INSYN2B: variants seen among roughly 807,000 people sequenced by gnomAD.
INSYN2B encodes the protein inhibitory synaptic factor family member 2B, also known as protein INSYN2B.
Under a neutral mutation model 41.2 loss-of-function variants are expected in INSYN2B, and 16 were observed. That is an observed-to-expected ratio of 0.39 (90% CI 0.26 to 0.59). The LOEUF is 0.59. Ranked by LOEUF, INSYN2B falls within the 20% of genes least tolerant of loss-of-function variation. The pLI is 0.57. For synonymous variants in INSYN2B, 245 were observed against 244.4 expected (o/e 1.00, Z -0.02); for missense variants, 608 against 646.4 (o/e 0.94, Z 0.64).
chr5:169,914,726 C>T (rs564378596), intron 1 of INSYN2B, among the ~76,000 whole-genome samples: 2 of 152,292 alleles, frequency 1.3e-5, no homozygotes, highest in Admixed American at 6.5e-5. Context: ...AGGAGCAGTT[C>T]TGTAGCCTTC....
At chr5:169,889,408 G>A (rs943670324) in intron 1 of INSYN2B, among the ~76,000 whole-genome samples, 7 of 152,306 alleles carry the variant, frequency 4.6e-5, no homozygotes, top group Non-Finnish European at 8.8e-5. Flanking sequence ...TTCCAAGGAG[G>A]AAAAAGACCT....
intron 1 of INSYN2B, among the ~76,000 whole-genome samples, chr5:169,912,577 T>C (rs1414072908): frequency 6.6e-6 from 1 of 152,058 alleles, no homozygotes; most frequent in Non-Finnish European, 1.5e-5. Flanking sequence ...AACCATTACG[T>C]TGTAAACAGA....
chr5:169,960,096 A>T (rs1561851737), intron 1 of INSYN2B, among the ~76,000 whole-genome samples: 1 of 152,206 alleles, frequency 6.6e-6, no homozygotes, highest in Non-Finnish European at 1.5e-5. Context: ...CAGGTTGAGG[A>T]GCATTTTATG....
At chr5:169,881,977 G>C (rs773000973) in intron 2 of INSYN2B, among the ~76,000 whole-genome samples, 1 of 152,176 alleles carries the variant, frequency 6.6e-6, no homozygotes, top group South Asian at 2.1e-4. Context: ...ACCCAGGAAA[G>C]CATTTTGTGA....
chr5:169,944,592 A>T (rs1561842563), intron 1 of INSYN2B, among the ~76,000 whole-genome samples: 1 of 152,198 alleles, frequency 6.6e-6, no homozygotes, highest in Non-Finnish European at 1.5e-5. Flanking sequence ...TTGGGAGAGC[A>T]TTTTAATACC....
chr5:169,978,386 T>TGGGGGG (rs1561863630), intron 1 of INSYN2B, among the ~76,000 whole-genome samples: 1 of 16,714 alleles, frequency 6.0e-5, no homozygotes, highest in Non-Finnish European at 1.1e-4. Context: ...TGTGTGTGTG[T>TGGGGGG]GTGTGTGGGG....
At chr5:169,947,180 C>T (rs1224138916) in intron 1 of INSYN2B, among the ~76,000 whole-genome samples, 1 of 152,196 alleles carries the variant, frequency 6.6e-6, no homozygotes, top group South Asian at 2.1e-4. Context: ...AGTGATAGAG[C>T]TGTGATATGA....
At chr5:169,972,155 A>G (rs138697227) in intron 1 of INSYN2B, among the ~76,000 whole-genome samples, 96 of 152,260 alleles carry the variant, frequency 6.3e-4, no homozygotes, top group African/African-American at 2.1e-3. Flanking sequence ...TCTTAGCTCA[A>G]TCTCTATCAA....
intron 1 of INSYN2B, among the ~76,000 whole-genome samples, chr5:169,909,889 AC>A (rs1244308715): frequency 1.3e-5 from 2 of 152,334 alleles, no homozygotes; most frequent in Admixed American, 6.5e-5. Flanking sequence ...TGAGTTGTTT[AC>A]TTGGGGCTAA....
At chr5:169,903,039 A>T (rs1158780645) in intron 1 of INSYN2B, among the ~76,000 whole-genome samples, 1 of 152,124 alleles carries the variant, frequency 6.6e-6, no homozygotes, top group South Asian at 2.1e-4. Context: ...TGGAGGTTGC[A>T]GTGAGCTGAG....
intron 1 of INSYN2B, among the ~76,000 whole-genome samples, chr5:169,976,013 T>C (rs1232695403): frequency 1.3e-5 from 2 of 152,166 alleles, no homozygotes; most frequent in African/African-American, 4.8e-5. Flanking sequence ...ATTTCTGGCC[T>C]CTCCTAAGGC....
In INSYN2B at chr5:169,863,097, A is replaced by C. The variant is rs1161943218; in HGVS notation, c.*1176T>G. On this transcript the variant is annotated 3_prime_UTR_variant, in exon 4 of 4. Transcript: ENST00000377365. ...ACTTTAGTAGTTTGTTCAGCCATGC[A>C]AGTTTGACTGGATCCACATGTATGT... Among the ~76,000 whole-genome samples the C allele has an allele frequency of 3.9e-5, 6 of 152,240 alleles. No homozygotes were observed. The highest frequency in any genetic ancestry group is 6.5e-5 in the Admixed American group (1 of 15,278).
chr5:169,912,121 G>C (rs900160342), intron 1 of INSYN2B, among the ~76,000 whole-genome samples: 1 of 152,092 alleles, frequency 6.6e-6, no homozygotes, highest in African/African-American at 2.4e-5. Flanking sequence ...GTGATACAAG[G>C]GACCCTGGGT....
At chr5:169,919,430 A>G (rs1265349143) in intron 1 of INSYN2B, among the ~76,000 whole-genome samples, 1 of 152,174 alleles carries the variant, frequency 6.6e-6, no homozygotes, top group African/African-American at 2.4e-5. Context: ...CTCCCCTTAA[A>G]TCCCCAACTA....
chr5:169,974,378 T>G (rs990973700), intron 1 of INSYN2B, among the ~76,000 whole-genome samples: 1 of 152,248 alleles, frequency 6.6e-6, no homozygotes, highest in Non-Finnish European at 1.5e-5. Flanking sequence ...CTCTTTCTTC[T>G]GGTTTTTTCT....
intron 1 of INSYN2B, among the ~76,000 whole-genome samples, chr5:169,971,025 G>A (rs1777484878): frequency 1.3e-5 from 2 of 152,140 alleles, no homozygotes; most frequent in East Asian, 1.9e-4. Flanking sequence ...ATGCCAAGCT[G>A]CTGTGTCACC....
intron 1 of INSYN2B, among the ~76,000 whole-genome samples, chr5:169,915,085 A>C (rs949437172): frequency 1.3e-5 from 2 of 152,240 alleles, no homozygotes; most frequent in Non-Finnish European, 2.9e-5. Flanking sequence ...AATCAATTCT[A>C]GGCCTTGATG....
intron 3 of INSYN2B, among the ~76,000 whole-genome samples, chr5:169,868,274 A>G (rs578260445): frequency 3.3e-5 from 5 of 152,336 alleles, no homozygotes; most frequent in East Asian, 3.9e-4. Flanking sequence ...TGTACTTCTT[A>G]TTTCTCTGAA....
At chr5:169,903,985 G>A (rs774578923) in intron 1 of INSYN2B, among the ~76,000 whole-genome samples, 6 of 151,806 alleles carry the variant, frequency 4.0e-5, no homozygotes, top group Non-Finnish European at 4.4e-5. Context: ...CCAGTTACTC[G>A]GGAGGGCTGA....
Sources: gnomAD v4.1 joint callset for allele counts (sites outside exome capture counted in the v4.1 genomes callset) on GRCh38, gnomAD v4.1.1 for gene constraint, MANE v1.5 for transcripts, NCBI Gene and HGNC (gene_info 2026-07-23, HGNC 2026-07-21) for gene names.